PGS1: variants seen among roughly 807,000 people sequenced by gnomAD.
The protein encoded by PGS1 is CDP-diacylglycerol--glycerol-3-phosphate 3-phosphatidyltransferase, mitochondrial.
A neutral mutation model predicts 58.3 loss-of-function variants in PGS1; 44 were observed. The observed-to-expected ratio is 0.75, with a 90% CI of 0.59 to 0.97. The LOEUF (loss-of-function observed/expected upper bound fraction) is 0.97. Ranked by LOEUF, PGS1 falls within the 50% of genes least tolerant of loss-of-function variation. PGS1 has a pLI of 0.00. For synonymous variants in PGS1, 330 were observed against 311.0 expected (o/e 1.06, Z -0.64); for missense variants, 684 against 731.1 (o/e 0.94, Z 0.74).
chr17:78,398,311 C>T lies in PGS1; in HGVS notation c.471C>T (p.Leu157=). The change falls in exon 4 of 10, where the codon CTC becomes CTT. Residue 157 remains leucine, a synonymous_variant. Coordinates refer to ENST00000262764, the MANE Select transcript of PGS1 (RefSeq NM_024419.5). ...KSLQAKFPSN[L]KVSILLDFTR... ...TCCAAGCAAAGTTTCCTTCAAATCT[C>T]AAGGTCTCCATTCTCTTAGACTTCA... is the stretch of plus-strand genomic sequence containing the variant. 1 of 1,614,100 alleles carries T rather than the reference C, an allele frequency of 6.2e-7. No individual in the cohort carries two copies. Among genetic ancestry groups the T allele is most frequent in the Non-Finnish European group, 8.5e-7 (1 of 1,179,968 alleles).
intron 1 of PGS1, among the ~76,000 whole-genome samples, chr17:78,386,859 A>G (rs1240463416): frequency 6.6e-6 from 1 of 152,200 alleles, no homozygotes; most frequent in Non-Finnish European, 1.5e-5. Context: ...TGTGAAAGAA[A>G]AAAATAGGTC....
chr17:78,378,696 C>G lies in PGS1; in HGVS notation c.31C>G (p.Pro11Ala), dbSNP rs1310236464. 1.3e-6 allele frequency: 2 copies of G among 1,525,124 alleles called. No individual in the cohort carries two copies. Among genetic ancestry groups the G allele is most frequent in the Non-Finnish European group, 1.7e-6 (2 of 1,142,980 alleles). The allele number at this position is 1,525,124 out of a possible 1,614,324, so 94.5% of individuals were successfully genotyped here. A position where few individuals can be genotyped will look rare whatever the true frequency, so the allele number is the denominator to read the frequency against. ...GGTGGCGGCGGCAGCTGCGGCGGGA[C>G]CCGTGTTCTGGAGGCGACTGCTGGG... is the stretch of plus-strand genomic sequence containing the variant. The part of the protein sequence containing the change: MAVAAAAAAG[P>A]VFWRRLLGLL... The change falls in exon 1 of 10, where the codon CCC becomes GCC. Residue 11 changes from proline to alanine, a missense_variant. Physicochemically the swap from Pro to Ala is conservative, Grantham distance 27. Transcript: ENST00000262764.
chr17:78,395,736 G>A (rs1469851560), intron 2 of PGS1, among the ~76,000 whole-genome samples: 1 of 152,170 alleles, frequency 6.6e-6, no homozygotes. Context: ...CAGATGGGTA[G>A]AAGGTAAAGA....
rs554699407 is a variant in PGS1 at position 78,380,594 on chromosome 17, A to G, written c.143+1786A>G. Among the ~76,000 whole-genome samples, 217 of 152,364 alleles carry G rather than the reference A, an allele frequency of 1.4e-3. 2 individuals are homozygous for G. Among genetic ancestry groups the G allele is most frequent in the African/African-American group, 4.8e-3 (201 of 41,580 alleles). On this transcript the variant is annotated intron_variant, in intron 1 of 9. Transcript: ENST00000262764. ...CAAAAGACCTGCTCATCTCTGGGTG[A>G]CGAAGTCAGATGACTTCTACGTCCT...
chr17:78,417,512 A>T (rs2085295950), intron 8 of PGS1, among the ~76,000 whole-genome samples: 1 of 151,878 alleles, frequency 6.6e-6, no homozygotes, highest in Non-Finnish European at 1.5e-5. Context: ...CCAGCTCTTG[A>T]TGGGAAAAGC....
chr17:78,381,271 G>A (rs1475284497), intron 1 of PGS1, among the ~76,000 whole-genome samples: 1 of 152,106 alleles, frequency 6.6e-6, no homozygotes, highest in Non-Finnish European at 1.5e-5. Context: ...CCTTCATTAA[G>A]CTGAGAGAGA....
At chr17:78,378,901 C>G in intron 1 of PGS1, 93 bp downstream of exon 1, 1 of 1,256,198 alleles carries the variant, frequency 8.0e-7, no homozygotes, top group Non-Finnish European at 1.0e-6. Context: ...CCTGGGCATC[C>G]GCAGCGAGTC....
At chr17:78,393,244 T>G (rs1339154200) in intron 2 of PGS1, among the ~76,000 whole-genome samples, 2 of 151,674 alleles carry the variant, frequency 1.3e-5, no homozygotes, top group East Asian at 1.9e-4. Context: ...GTATTTTTAG[T>G]AGAGATGGGG....
At chr17:78,402,820 T>C (rs940381216) in intron 6 of PGS1, among the ~76,000 whole-genome samples, 1 of 152,250 alleles carries the variant, frequency 6.6e-6, no homozygotes, top group Non-Finnish European at 1.5e-5. Context: ...TTCTTTCCCC[T>C]GTCTTCCTGA....
At chr17:78,379,582 T>G (rs1332291571) in intron 1 of PGS1, among the ~76,000 whole-genome samples, 1 of 151,990 alleles carries the variant, frequency 6.6e-6, no homozygotes, top group African/African-American at 2.4e-5. Flanking sequence ...TTCCAGCACT[T>G]TGGGAGGCCG....
Position 78,419,641 on chromosome 17 carries a change from T to G in PGS1, c.1647T>G (p.Thr549=). Residue 549 remains threonine, a synonymous_variant, in exon 9 of 10, where the codon ACT becomes ACG. Transcript: ENST00000262764. The stretch of plus-strand genomic sequence containing the variant: ...TGAAGCTGTGGGTGAAGATGGTGAC[T>G]CCACTGATCAAGAACTTCTTCTGAG... ...RQVKLWVKMV[T]PLIKNFF is the part of the protein sequence containing the mutation. 1 of 1,614,056 alleles carries G rather than the reference T, an allele frequency of 6.2e-7. No homozygotes were observed. Among genetic ancestry groups the G allele is most frequent in the Non-Finnish European group, 8.5e-7 (1 of 1,179,952 alleles).
At chr17:78,380,414 C>T (rs962966221) in intron 1 of PGS1, among the ~76,000 whole-genome samples, 1 of 152,120 alleles carries the variant, frequency 6.6e-6, no homozygotes, top group African/African-American at 2.4e-5. Flanking sequence ...ATCGAAAACT[C>T]AAGTTTGATT....
intron 8 of PGS1, among the ~76,000 whole-genome samples, chr17:78,418,274 CAT>C (rs143213245): frequency 0.019 from 2,966 of 152,242 alleles, 115 homozygotes; most frequent in African/African-American, 0.066. Flanking sequence ...ATGAAATTAA[CAT>C]GTGTTCACTA....
intron 9 of PGS1, chr17:78,421,101 T>C (rs1459592269): frequency 6.6e-6 from 1 of 152,260 alleles, no homozygotes; most frequent in Non-Finnish European, 1.5e-5. Flanking sequence ...ACTTTATTTT[T>C]ATTGGATCTA....
intron 8 of PGS1, among the ~76,000 whole-genome samples, chr17:78,417,867 G>A (rs1253627852): frequency 6.6e-6 from 1 of 151,304 alleles, no homozygotes; most frequent in African/African-American, 2.4e-5. Context: ...TTGGAGGGCA[G>A]ACTCTTACAA....
At chr17:78,398,711 C>T (rs2083430926) in intron 4 of PGS1, among the ~76,000 whole-genome samples, 2 of 152,222 alleles carry the variant, frequency 1.3e-5, no homozygotes, top group Non-Finnish European at 2.9e-5. Flanking sequence ...TTGTGGACTC[C>T]TGTGACTGAT....
At position 78,415,111 on chromosome 17, in the gene PGS1, A is replaced by C. The variant is rs903511464; in HGVS notation, c.1551+84A>C. 3.3e-6 allele frequency: 5 copies of C among 1,514,448 alleles called. No homozygotes were observed. In the African/African-American group the frequency reaches 6.9e-5, roughly 21 times the overall value. 93.8% of individuals were successfully genotyped at this position (1,514,448 alleles called of 1,614,324 possible). On this transcript the variant is annotated intron_variant, in intron 8 of 9. Coordinates refer to ENST00000262764, the MANE Select transcript of PGS1 (RefSeq NM_024419.5). ...TCACCCGTGCTGTGGGGCTGCCCTG[A>C]GAGCTGTTTCCTGAGGCAACGAGTG...
intron 6 of PGS1, among the ~76,000 whole-genome samples, chr17:78,401,254 A>G (rs2083637715): frequency 6.6e-6 from 1 of 152,154 alleles, no homozygotes; most frequent in African/African-American, 2.4e-5. Context: ...CTACTCAGCA[A>G]TGAACACGTG....
rs193010864 is a variant in PGS1, at chr17:78,405,533, C to T, written c.1402+1444C>T. On this transcript the variant is annotated intron_variant, in intron 7 of 9. Transcript: ENST00000262764. ...ATGTTTATCCCTCTCAGGCATCTGG[C>T]GGAGCAGCCGAAATGGGGCAGAATC... Among the ~76,000 whole-genome samples, 32 of 152,284 alleles carry T rather than the reference C, an allele frequency of 2.1e-4. No homozygotes were observed. The East Asian group carries it at 4.8e-3, about 23-fold the overall frequency.
Sources: gnomAD v4.1 joint callset for allele counts (sites outside exome capture counted in the v4.1 genomes callset) on GRCh38, gnomAD v4.1.1 for gene constraint, MANE v1.5 for transcripts, NCBI Gene and HGNC (gene_info 2026-07-23, HGNC 2026-07-21) for gene names.